TPCN1: variants seen among roughly 807,000 people sequenced by gnomAD.
TPCN1 encodes two pore channel protein 1.
Under a neutral mutation model 108.8 loss-of-function variants are expected in TPCN1, and 52 were observed. The ratio of observed to expected loss-of-function variants is 0.48; its 90% CI spans 0.38 to 0.60. The LOEUF (loss-of-function observed/expected upper bound fraction) is 0.60, where lower values mean the gene tolerates loss of function less well. TPCN1 is among the 20% of genes least tolerant of loss of function. TPCN1 has a pLI of 0.00. For missense variants in TPCN1, 806 were observed against 1,072.8 expected (o/e 0.75, Z 3.47); for synonymous variants, 446 against 433.7 (o/e 1.03, Z -0.35).
At position 113,277,015 on chromosome 12, in the gene TPCN1, C is replaced by A; in HGVS notation, c.1039C>A (p.Arg347Ser). Residue 347 changes from arginine to serine, a missense_variant, in exon 11 of 28, where the codon CGC becomes AGC. Coordinates refer to ENST00000335509, the MANE Select transcript of TPCN1 (RefSeq NM_017901.6). ...HKRTAIQHAY[R>S]LLISQRRPAG... ...GCGAACCGCTATCCAGCATGCCTAC[C>A]GCCTGCTCATCAGCCAGAGGGTAGG... The A allele has an allele frequency of 6.2e-7, 1 of 1,613,536 alleles. No homozygotes were observed. The highest frequency in any genetic ancestry group is 8.5e-7 in the Non-Finnish European group (1 of 1,179,588).
intron 1 of TPCN1, among the ~76,000 whole-genome samples, chr12:113,224,587 G>A (rs1248181821): frequency 1.3e-5 from 2 of 151,978 alleles, no homozygotes; most frequent in East Asian, 1.9e-4. Context: ...TAGTAGAGAC[G>A]GGGTTTCACC....
chr12:113,280,008 G>C, intron 14 of TPCN1, 143 bp from the exon 15 acceptor site: 1 of 637,170 alleles, frequency 1.6e-6, no homozygotes, highest in Non-Finnish European at 2.9e-6. Context: ...CTTCACCTCT[G>C]GGGTAAAGAC....
Position 113,296,142 on chromosome 12 carries a change from GA to G in TPCN1, c.*68del. On this transcript the variant is annotated 3_prime_UTR_variant, in exon 28 of 28. Transcript: ENST00000335509. The stretch of plus-strand genomic sequence containing the variant: ...TAGTATTACTCTACTGCGATGTACG[GA>G]ACTGCGGTGTGTGTACACATACTCA... 1 of 1,580,136 alleles carries G rather than the reference GA, an allele frequency of 6.3e-7. No individual in the cohort carries two copies. The highest frequency in any genetic ancestry group is 1.7e-5 in the Admixed American group (1 of 58,524).
At chr12:113,254,854 A>G (rs1310164134) in intron 2 of TPCN1, among the ~76,000 whole-genome samples, 1 of 152,230 alleles carries the variant, frequency 6.6e-6, no homozygotes, top group Non-Finnish European at 1.5e-5. Flanking sequence ...ACACCCATTC[A>G]TGGTAAGATC....
In TPCN1 at chr12:113,268,408, C is replaced by A. The variant is rs74866675; in HGVS notation, c.529-334C>A. Among the ~76,000 whole-genome samples, 1 of 152,298 alleles carries A rather than the reference C, an allele frequency of 6.6e-6. No homozygotes were observed. Among genetic ancestry groups the A allele is most frequent in the South Asian group, 2.1e-4 (1 of 4,826 alleles). ...CTCTAGGAGAATATAGCCAAGTAAG[C>A]AGAGCTGAAGAGGAGCTGCAGGCCC... On this transcript the variant is annotated intron_variant, in intron 5 of 27. Coordinates refer to ENST00000335509, the MANE Select transcript of TPCN1 (RefSeq NM_017901.6). This position sits in a 1 kb window ranked among gnomAD's most constrained non-coding sequence, Gnocchi z 7.3.
rs748698468 is a variant in TPCN1 at position 113,290,235 on chromosome 12, A to G, written c.1904A>G (p.Asn635Ser). 5 of 1,594,032 alleles carry G rather than the reference A, an allele frequency of 3.1e-6. No individual in the cohort carries two copies. The Admixed American group carries it at 8.6e-5, about 28-fold the overall frequency. Residue 635 changes from asparagine (N) to serine (S), a missense_variant, in exon 22 of 28, where the codon AAC (asparagine) becomes AGC (serine). Transcript: ENST00000335509. ...CTCAATAATTTTGACAACATCCTCA[A>G]CAGCTTTGGTGAGTGGGAAAAATCA... Reference protein sequence around the residue: ...YYLNNFDNILNSFVTLFELTV... With the variant: ...YYLNNFDNILSSFVTLFELTV...
chr12:113,259,900 C>T (rs1406416666), intron 2 of TPCN1, among the ~76,000 whole-genome samples: 1 of 152,168 alleles, frequency 6.6e-6, no homozygotes, highest in Non-Finnish European at 1.5e-5. Flanking sequence ...AACAGATGGC[C>T]CTGCACCAGG....
intron 18 of TPCN1, among the ~76,000 whole-genome samples, chr12:113,286,451 GCGGAGT>G (rs1956083676): frequency 3.3e-5 from 5 of 152,050 alleles, no homozygotes; most frequent in African/African-American, 7.2e-5. Context: ...AACACGCAGA[GCGGAGT>G]TGGGAGGAGC....
chr12:113,295,224 G>C (rs746803068), intron 27 of TPCN1, among the ~76,000 whole-genome samples: 1 of 152,124 alleles, frequency 6.6e-6, no homozygotes, highest in Admixed American at 6.5e-5. Flanking sequence ...TTCCCCCTCT[G>C]TAAAACAAGG....
At chr12:113,292,818 G>C (rs562090848) in intron 25 of TPCN1, 116 bp from the exon 26 acceptor site, 2 of 1,198,342 alleles carry the variant, frequency 1.7e-6, no homozygotes, top group Non-Finnish European at 2.3e-6. Context: ...ATGCAGTGTC[G>C]GTTTAGAGAG....
At chr12:113,290,868 C>T (rs771778044) in intron 22 of TPCN1, 84 bp from the exon 23 acceptor site, 39 of 1,326,324 alleles carry the variant, frequency 2.9e-5, no homozygotes, top group Admixed American at 1.5e-4. Flanking sequence ...CACATGGCAC[C>T]CAGGATAGGT....
chr12:113,236,624 A>G (rs1298585879), intron 2 of TPCN1, among the ~76,000 whole-genome samples: 1 of 151,912 alleles, frequency 6.6e-6, no homozygotes, highest in Non-Finnish European at 1.5e-5. Flanking sequence ...CAAAAAGAAA[A>G]AAAAAAAAAG....
intron 27 of TPCN1, 40 bp downstream of exon 27, chr12:113,293,389 G>C (rs771095403): frequency 1.9e-6 from 3 of 1,590,402 alleles, no homozygotes; most frequent in Non-Finnish European, 2.6e-6. Context: ...CCTCCCCCAA[G>C]CTATGTCCTG....
intron 10 of TPCN1, among the ~76,000 whole-genome samples, chr12:113,276,092 T>G (rs2136667339): frequency 6.6e-6 from 1 of 152,356 alleles, no homozygotes; most frequent in Middle Eastern, 3.4e-3. Flanking sequence ...AGTCTGTGGC[T>G]GATCTCATGA....
chr12:113,244,725 G>A lies in TPCN1; in HGVS notation c.113-15643G>A, dbSNP rs189592416. The A allele has an allele frequency of 8.2e-4, 806 of 985,418 alleles. 8 individuals are homozygous for A. The African/African-American group carries it at 0.013, about 16-fold the overall frequency. 61.0% of individuals were successfully genotyped at this position (985,418 alleles called of 1,614,324 possible). ...GTCATTCTGGTAGGCGCTGGTTTCCGGAGGGCTCCGAGTGCTTTGTGAGTA... is the reference window on the plus strand; with the variant it reads ...GTCATTCTGGTAGGCGCTGGTTTCCAGAGGGCTCCGAGTGCTTTGTGAGTA... On this transcript the variant is annotated intron_variant, in intron 2 of 27. Transcript: ENST00000335509.
intron 27 of TPCN1, among the ~76,000 whole-genome samples, chr12:113,295,624 G>A (rs1956398663): frequency 6.6e-6 from 1 of 152,074 alleles, no homozygotes; most frequent in Admixed American, 6.5e-5. Context: ...TTCCTGCCAA[G>A]CTCAAAAGGG....
intron 18 of TPCN1, among the ~76,000 whole-genome samples, chr12:113,286,453 G>GCGAGGGT (rs1298238142): frequency 9.9e-5 from 15 of 151,796 alleles, no homozygotes; most frequent in East Asian, 3.9e-4. Context: ...CACGCAGAGC[G>GCGAGGGT]GAGTTGGGAG....
chr12:113,265,613 C>A (rs1955228408), intron 3 of TPCN1, among the ~76,000 whole-genome samples: 2 of 149,672 alleles, frequency 1.3e-5, no homozygotes, highest in South Asian at 4.2e-4. Flanking sequence ...GTGGCACGAT[C>A]TTGGCTCACT....
chr12:113,276,828 C>T, intron 10 of TPCN1, 91 bp from the exon 11 acceptor site: 2 of 856,132 alleles, frequency 2.3e-6, no homozygotes. Flanking sequence ...TGGGTAAGAG[C>T]CTTGCCTAGA....
Sources: gnomAD v4.1 joint callset for allele counts (sites outside exome capture counted in the v4.1 genomes callset) on GRCh38, gnomAD v4.1.1 for gene constraint, Gnocchi (gnomAD v3.1) non-coding constraint, MANE v1.5 for transcripts, NCBI Gene and HGNC (gene_info 2026-07-23, HGNC 2026-07-21) for gene names.